The following ADGRL3 variants were observed in gnomAD, a reference collection of about 807,000 sequenced individuals.
The protein encoded by ADGRL3 is calcium-independent alpha-latrotoxin receptor 3.
A neutral mutation model predicts 153.5 loss-of-function variants in ADGRL3; 62 were observed. The ratio of observed to expected loss-of-function variants is 0.40; its 90% confidence interval spans 0.33 to 0.50. The LOEUF (loss-of-function observed/expected upper bound fraction) is 0.50, where lower values mean the gene tolerates loss of function less well. Ranked by LOEUF, ADGRL3 falls within the 20% of genes least tolerant of loss-of-function variation. The pLI, the probability that ADGRL3 is intolerant of heterozygous loss-of-function variation, is 0.47. For missense variants in ADGRL3, 1,641 were observed against 1,859.4 expected (o/e 0.88, Z 2.16); for synonymous variants, 710 against 672.5 (o/e 1.06, Z -0.86).
At chr4:61,482,503 C>A (rs904785271) in intron 2 of ADGRL3, among the ~76,000 whole-genome samples, 5 of 152,082 alleles carry the variant, frequency 3.3e-5, no homozygotes, top group African/African-American at 1.2e-4. Context: ...TACTGTGGAA[C>A]CTAGGTGCTC....
chr4:61,937,137 T>C (rs778366898), intron 15 of ADGRL3, among the ~76,000 whole-genome samples: 2 of 152,176 alleles, frequency 1.3e-5, no homozygotes, highest in Non-Finnish European at 2.9e-5. Context: ...TTTCCCTGCC[T>C]CCACTCTTTT....
intron 2 of ADGRL3, among the ~76,000 whole-genome samples, chr4:61,459,087 G>C (rs13117013): frequency 7.9e-5 from 12 of 151,290 alleles, no homozygotes; most frequent in Non-Finnish European, 1.5e-4. Flanking sequence ...AAATAATATA[G>C]AGAGAATTTT....
At chr4:61,782,241 A>C (rs2097221630) in intron 8 of ADGRL3, among the ~76,000 whole-genome samples, 1 of 152,074 alleles carries the variant, frequency 6.6e-6, no homozygotes, top group African/African-American at 2.4e-5. Flanking sequence ...TTTTTCTATT[A>C]ATGAGAAGGA....
Position 61,592,627 on chromosome 4 carries a change from C to A in ADGRL3, c.473+5187C>A, listed in dbSNP as rs1252070462. On this transcript the variant is annotated intron_variant, in intron 5 of 26. Coordinates refer to ENST00000683033, the MANE Select transcript of ADGRL3 (RefSeq NM_001387552.1). ...AATGGGAAATTTCCTATATGGAGGG[C>A]ATTTACTTATTTCTTCTCCTCTAAT... Among the ~76,000 whole-genome samples, 8 of 152,228 alleles carry A rather than the reference C, an allele frequency of 5.3e-5. No homozygotes were observed. In the East Asian group the frequency reaches 1.5e-3, roughly 29 times the overall value.
intron 13 of ADGRL3, among the ~76,000 whole-genome samples, chr4:61,927,008 A>G (rs1178141966): frequency 1.3e-5 from 2 of 152,116 alleles, no homozygotes; most frequent in South Asian, 2.1e-4. Context: ...CTCCTACTTC[A>G]TGGAGCTTTT....
chr4:61,887,027 A>T (rs186861745), intron 9 of ADGRL3, among the ~76,000 whole-genome samples: 355 of 150,222 alleles, frequency 2.4e-3, no homozygotes, highest in Non-Finnish European at 3.7e-3. Flanking sequence ...TTATTTATTT[A>T]TTTATTTTTT....
intron 2 of ADGRL3, among the ~76,000 whole-genome samples, chr4:61,448,328 A>G (rs1020435620): frequency 2.0e-5 from 3 of 152,144 alleles, no homozygotes; most frequent in Non-Finnish European, 4.4e-5. Context: ...AGGAGTGGAG[A>G]TAGGAACAAT....
intron 6 of ADGRL3, among the ~76,000 whole-genome samples, chr4:61,695,026 C>T (rs2151198003): frequency 6.6e-6 from 1 of 152,264 alleles, no homozygotes; most frequent in Middle Eastern, 3.4e-3. Flanking sequence ...ACTTCTCTTG[C>T]TATTTGCACC....
At chr4:61,809,908 C>T (rs1173032759) in intron 8 of ADGRL3, among the ~76,000 whole-genome samples, 2 of 151,898 alleles carry the variant, frequency 1.3e-5, no homozygotes, top group African/African-American at 2.4e-5. Context: ...TTCAGAATGC[C>T]CTTATGAGGT....
intron 6 of ADGRL3, among the ~76,000 whole-genome samples, chr4:61,711,458 TTATATATATATATATATATATA>T (rs1167827672): frequency 1.7e-4 from 6 of 34,662 alleles, no homozygotes; most frequent in African/African-American, 6.1e-4. Context: ...ATATGCTTCA[TTATATATATATATATATATATA>T]TATATATATA....
chr4:61,628,320 T>C (rs1455524661), intron 5 of ADGRL3, among the ~76,000 whole-genome samples: 1 of 152,164 alleles, frequency 6.6e-6, no homozygotes, highest in East Asian at 1.9e-4. Context: ...ACTCTTACCC[T>C]GCACTGCCAA....
chr4:61,428,848 TATCTATCTATCTATCTATCTATCTATATC>T (rs1299317858), intron 2 of ADGRL3, among the ~76,000 whole-genome samples: 5 of 114,784 alleles, frequency 4.4e-5, no homozygotes, highest in South Asian at 6.2e-4. Flanking sequence ...TCTATCTATC[TATCTATCTATCTATCTATCTATCTATATC>T]ATCTATCTAT....
chr4:61,541,346 A>ATTTTTT (rs3075146), intron 4 of ADGRL3, among the ~76,000 whole-genome samples: 1 of 103,336 alleles, frequency 9.7e-6, no homozygotes. Flanking sequence ...TCTGGTAGAG[A>ATTTTTT]TTTTTTTTTT....
intron 1 of ADGRL3, among the ~76,000 whole-genome samples, chr4:61,289,046 C>T (rs1051237314): frequency 4.6e-5 from 7 of 151,804 alleles, no homozygotes; most frequent in South Asian, 4.2e-4. Flanking sequence ...CCTAGATATA[C>T]GTACATAAGT....
intron 1 of ADGRL3, among the ~76,000 whole-genome samples, chr4:61,262,137 T>G (rs1381662696): frequency 6.6e-6 from 1 of 152,206 alleles, no homozygotes; most frequent in African/African-American, 2.4e-5. Flanking sequence ...GCTCACGTTA[T>G]AATAATGATT....
intron 8 of ADGRL3, among the ~76,000 whole-genome samples, chr4:61,733,802 T>C (rs1312934315): frequency 6.6e-6 from 1 of 152,064 alleles, no homozygotes; most frequent in Non-Finnish European, 1.5e-5. Context: ...CTTTGAAGGG[T>C]GTTTGTTATT....
chr4:61,969,384 G>T (rs1397545), intron 17 of ADGRL3, among the ~76,000 whole-genome samples: 1 of 151,998 alleles, frequency 6.6e-6, no homozygotes, highest in Non-Finnish European at 1.5e-5. Context: ...CTCCACAATT[G>T]TATTCATATG....
chr4:61,439,951 T>G (rs2097506964), intron 2 of ADGRL3, among the ~76,000 whole-genome samples: 1 of 152,222 alleles, frequency 6.6e-6, no homozygotes, highest in South Asian at 2.1e-4. Context: ...ACATAAGTCA[T>G]ATGCAATGAA....
chr4:61,385,355 C>G (rs2096723928), intron 2 of ADGRL3: 1 of 152,294 alleles, frequency 6.6e-6, no homozygotes. Flanking sequence ...CTGTTCCAAG[C>G]CAACTTCGCC....
Sources: allele counts gnomAD v4.1 joint callset (sites outside exome capture counted in the v4.1 genomes callset), GRCh38; gene constraint gnomAD v4.1.1; transcripts MANE v1.5; gene names NCBI Gene and HGNC (gene_info 2026-07-23, HGNC 2026-07-21).